The following LRRC37B variants were observed in gnomAD, a reference collection of about 807,000 sequenced individuals.
LRRC37B encodes leucine-rich repeat-containing protein 37B.
LRRC37B carries 28 observed loss-of-function variants against 98.3 expected under a neutral mutation model. That is an observed-to-expected ratio of 0.28 (90% CI 0.21 to 0.39). The LOEUF is 0.39. LRRC37B is among the 10% of genes least tolerant of loss of function. The pLI, the probability that LRRC37B is intolerant of heterozygous loss-of-function variation, is 1.00. For missense variants in LRRC37B, 938 were observed against 1,182.7 expected (o/e 0.79, Z 3.03); for synonymous variants, 364 against 442.7 (o/e 0.82, Z 2.23).
chr17:32,026,904 T>C (rs1910970958), intron 2 of LRRC37B, among the ~76,000 whole-genome samples: 1 of 152,244 alleles, frequency 6.6e-6, no homozygotes, highest in East Asian at 1.9e-4. Flanking sequence ...TTAAACTGAA[T>C]ATTTGGCCAG....
intron 1 of LRRC37B, among the ~76,000 whole-genome samples, chr17:32,008,596 A>C (rs563003989): frequency 6.6e-6 from 1 of 152,316 alleles, no homozygotes; most frequent in Non-Finnish European, 1.5e-5. Flanking sequence ...AAAGGGAATT[A>C]AGGATTTGTA....
chr17:32,012,025 A>G (rs1480551790), intron 1 of LRRC37B, among the ~76,000 whole-genome samples: 1 of 152,146 alleles, frequency 6.6e-6, no homozygotes, highest in Non-Finnish European at 1.5e-5. Flanking sequence ...TGGTATGATG[A>G]ATTAAAAAAA....
chr17:32,022,729 A>G (rs770310373), exon 1 of LRRC37B: 7 of 1,614,048 alleles, frequency 4.3e-6, no homozygotes, highest in Non-Finnish European at 5.9e-6. Flanking sequence ...ACCTGCGGAG[A>G]TGAGACTCTG....
chr17:32,039,619 T>A (rs1911368920), intron 7 of LRRC37B, among the ~76,000 whole-genome samples: 2 of 139,004 alleles, frequency 1.4e-5, no homozygotes, highest in African/African-American at 5.4e-5. Flanking sequence ...ATATATATAT[T>A]TCTGCAAGGC....
chr17:32,051,455 T>C (rs1235285918), intron 11 of LRRC37B: 1 of 137,932 alleles, frequency 7.2e-6, no homozygotes, highest in Non-Finnish European at 1.5e-5. Context: ...CACTCCAGCC[T>C]GGGGGACAGA....
chr17:32,015,111 C>T (rs556729133), intron 1 of LRRC37B, among the ~76,000 whole-genome samples: 1 of 152,252 alleles, frequency 6.6e-6, no homozygotes, highest in East Asian at 1.9e-4. Context: ...GCCTGGGCGA[C>T]AGAGCGACTC....
At chr17:32,046,116 C>T (rs1226346900) in intron 8 of LRRC37B, among the ~76,000 whole-genome samples, 1 of 152,230 alleles carries the variant, frequency 6.6e-6, no homozygotes, top group South Asian at 2.1e-4. Flanking sequence ...CTGCTTGGTG[C>T]TTTGCCCCCA....
intron 5 of LRRC37B, among the ~76,000 whole-genome samples, chr17:32,033,143 G>T (rs939618605): frequency 2.0e-5 from 3 of 152,136 alleles, no homozygotes; most frequent in African/African-American, 7.2e-5. Context: ...AAGCCTGGGC[G>T]ACAGAGCAAG....
At chr17:32,053,015 G>A (rs1465109511) in intron 11 of LRRC37B, 10 of 444,770 alleles carry the variant, frequency 2.2e-5, no homozygotes, top group Admixed American at 4.4e-5. Flanking sequence ...ACCATTATAC[G>A]TAAGGTATTG....
At chr17:32,009,520 G>T (rs183114580) in intron 1 of LRRC37B, among the ~76,000 whole-genome samples, 1 of 152,256 alleles carries the variant, frequency 6.6e-6, no homozygotes, top group Admixed American at 6.5e-5. Context: ...GCGATCTGCT[G>T]CCTCGGCCTC....
upstream of LRRC37B, among the ~76,000 whole-genome samples, chr17:32,007,661 C>A (rs926490199): frequency 5.3e-5 from 8 of 151,338 alleles, no homozygotes; most frequent in African/African-American, 1.9e-4. This position sits in a 1 kb window ranked among gnomAD's most constrained non-coding sequence, Gnocchi z 4.1. Flanking sequence ...CGCTGCGGAG[C>A]GCTGCGCCCC....
At chr17:32,031,557 A>G in intron 5 of LRRC37B, 99 bp downstream of exon 8, 1 of 1,251,934 alleles carries the variant, frequency 8.0e-7, no homozygotes, top group East Asian at 3.0e-5. Flanking sequence ...TGAACTCTGA[A>G]AAGTGTGTCT....
At chr17:32,008,647 T>C (rs2142233179) in intron 1 of LRRC37B, among the ~76,000 whole-genome samples, 1 of 152,324 alleles carries the variant, frequency 6.6e-6, no homozygotes, top group South Asian at 2.1e-4. Context: ...CATGCCTGTG[T>C]TCACACCCCT....
At chr17:32,017,792 C>CA (rs928975211), upstream of LRRC37B, among the ~76,000 whole-genome samples, 13 of 150,638 alleles carry the variant, frequency 8.6e-5, no homozygotes, top group East Asian at 2.0e-4. Context: ...ACCCAGTCTC[C>CA]AAAAAAAACA....
chr17:32,024,312 G>A (rs577050416), intron 1 of LRRC37B, among the ~76,000 whole-genome samples: 23 of 152,202 alleles, frequency 1.5e-4, no homozygotes, highest in South Asian at 1.2e-3. Flanking sequence ...TGCCTGGCAT[G>A]GGGTTTCTTT....
At chr17:32,030,112 A>G (rs564961598) in intron 3 of LRRC37B, among the ~76,000 whole-genome samples, 6 of 152,178 alleles carry the variant, frequency 3.9e-5, no homozygotes, top group Non-Finnish European at 8.8e-5. Context: ...TTAAAGCAAT[A>G]TAAAACCAAA....
chr17:32,051,480 CAA>C (rs552641167), intron 11 of LRRC37B: 513 of 65,950 alleles, frequency 7.8e-3, no homozygotes, highest in African/African-American at 0.024. Flanking sequence ...GACTCTGCCT[CAA>C]AAAAAAAAAA....
chr17:32,011,460 A>G (rs777052478), intron 1 of LRRC37B, among the ~76,000 whole-genome samples: 32 of 152,088 alleles, frequency 2.1e-4, no homozygotes, highest in Non-Finnish European at 4.3e-4. Flanking sequence ...TGGCCTCCCA[A>G]AGTGCTGGGA....
chr17:32,021,364 A>G (rs1272983350), exon 1 of LRRC37B: 1 of 1,613,900 alleles, frequency 6.2e-7, no homozygotes, highest in Non-Finnish European at 8.5e-7. Flanking sequence ...GGGGACTTTG[A>G]TTACCTGGGG....
Sources: allele counts gnomAD v4.1 joint callset (sites outside exome capture counted in the v4.1 genomes callset), GRCh38; gene constraint gnomAD v4.1.1; non-coding constraint Gnocchi (gnomAD v3.1); transcripts MANE v1.5; gene names NCBI Gene and HGNC (gene_info 2026-07-23, HGNC 2026-07-21).